NID1: variants seen among roughly 807,000 people sequenced by gnomAD.
NID1 encodes the protein nidogen 1.
A neutral mutation model predicts 130.6 loss-of-function variants in NID1; 76 were observed. That is an observed-to-expected ratio of 0.58 (90% CI 0.48 to 0.70). The LOEUF (loss-of-function observed/expected upper bound fraction) is 0.70, where lower values mean the gene tolerates loss of function less well. NID1 is among the 30% of genes least tolerant of loss of function. The pLI is 0.00. For synonymous variants in NID1, 665 were observed against 675.1 expected (o/e 0.98, Z 0.23); for missense variants, 1,517 against 1,664.8 (o/e 0.91, Z 1.54).
rs984271753 is a variant in NID1 at position 236,038,976 on chromosome 1, T to C, written c.1136-723A>G. On this transcript the variant is annotated intron_variant, in intron 4 of 19. Coordinates refer to ENST00000264187, the MANE Select transcript of NID1 (RefSeq NM_002508.3). Reference sequence around the variant, plus strand: ...TAACATATATGTGTAACTATATATGTAAATATGTACATATACATATATGTA... The same window carrying C: ...TAACATATATGTGTAACTATATATGCAAATATGTACATATACATATATGTA... 4.3e-5 allele frequency among the ~76,000 whole-genome samples: 6 copies of C among 140,874 alleles called. No homozygotes were observed. The East Asian group carries it at 1.2e-3, about 28-fold the overall frequency. The allele number at this position is 140,874 out of a possible 152,430, so 92.4% of individuals were successfully genotyped here.
intron 2 of NID1, 65 bp from the exon 3 acceptor site, chr1:236,045,748 C>G: frequency 7.9e-7 from 1 of 1,261,644 alleles, no homozygotes; most frequent in East Asian, 2.5e-5. Context: ...ATGTGTTATT[C>G]GCCAGACTAT....
intron 3 of NID1, among the ~76,000 whole-genome samples, chr1:236,044,843 G>C (rs1175911402): frequency 3.8e-5 from 4 of 104,426 alleles, no homozygotes; most frequent in Non-Finnish European, 5.6e-5. Flanking sequence ...TCAGCCTTGA[G>C]ATCAAAGGAG....
chr1:236,018,490 G>A (rs371902431), intron 9 of NID1, among the ~76,000 whole-genome samples: 4 of 152,232 alleles, frequency 2.6e-5, no homozygotes, highest in African/African-American at 9.6e-5. Flanking sequence ...CCAGGCTTTG[G>A]GGGCCAGGCT....
chr1:235,994,700 CTTTT>C (rs11397466), intron 12 of NID1, among the ~76,000 whole-genome samples: 3 of 142,130 alleles, frequency 2.1e-5, no homozygotes, highest in African/African-American at 7.9e-5. Context: ...TCTTCTTCTT[CTTTT>C]TTTTTTTTTT....
At chr1:236,041,625 C>T (rs1442126045) in intron 4 of NID1, among the ~76,000 whole-genome samples, 1 of 152,172 alleles carries the variant, frequency 6.6e-6, no homozygotes, top group Non-Finnish European at 1.5e-5. Flanking sequence ...CGGACGTTTT[C>T]TCTTTAAAAC....
intron 2 of NID1, among the ~76,000 whole-genome samples, chr1:236,047,615 C>G (rs1258181504): frequency 1.3e-5 from 2 of 152,116 alleles, no homozygotes; most frequent in East Asian, 3.8e-4. Context: ...CTCACATGGT[C>G]CAAATGATTC....
At chr1:236,030,355 T>C (rs1213822322) in intron 6 of NID1, among the ~76,000 whole-genome samples, 3 of 152,200 alleles carry the variant, frequency 2.0e-5, no homozygotes, top group Admixed American at 6.5e-5. Context: ...CACAATGACC[T>C]GCCCCGTGAC....
intron 9 of NID1, among the ~76,000 whole-genome samples, chr1:236,020,070 T>C (rs1266903160): frequency 6.7e-6 from 1 of 149,516 alleles, no homozygotes; most frequent in African/African-American, 2.5e-5. Flanking sequence ...AAAAACAAAC[T>C]TCTTTTCTAT....
rs202192927 is a variant in NID1, at chr1:236,048,889, G to A, written c.326C>T (p.Ala109Val). The change falls in exon 2 of 20, where the codon GCG (alanine) becomes GTG (valine). Residue 109 changes from alanine (A) to valine (V), a missense_variant. Ala to Val is a moderately conservative substitution (Grantham distance 64). Transcript: ENST00000264187. Reference sequence around the variant, plus strand: ...CAGGCCATCGGTCGTGTCCAAGTCCGCCAGGAAAGGGGCGACTGCACCGAA... The same window carrying A: ...CAGGCCATCGGTCGTGTCCAAGTCCACCAGGAAAGGGGCGACTGCACCGAA... ...PTFGAVAPFL[A>V]DLDTTDGLGK... The A allele has an allele frequency of 2.2e-5, 35 of 1,613,780 alleles. No homozygotes were observed. Among genetic ancestry groups the A allele is most frequent in the Admixed American group, 6.7e-5 (4 of 59,912 alleles).
rs1376248943 is a variant in NID1 at position 236,017,192 on chromosome 1, T to A, written c.2210A>T (p.Glu737Val). Reference sequence around the variant, plus strand: ...TGAAAACTGGTAGCCCTCCACACACTCGCAGCGGAAGGTTCCTGGGTGATT... The same window carrying A: ...TGAAAACTGGTAGCCCTCCACACACACGCAGCGGAAGGTTCCTGGGTGATT... ...CNNHPGTFRCECVEGYQFSDE... is the reference protein window; with the variant it reads ...CNNHPGTFRCVCVEGYQFSDE... Residue 737 changes from glutamate (E) to valine (V), a missense_variant, in exon 10 of 20, where the codon GAG becomes GTG. Around this residue, in one of 3 missense-constraint regions of NID1, gnomAD observed 1,329 missense variants for 1,429.2 expected, o/e 0.93. Coordinates refer to ENST00000264187, the MANE Select transcript of NID1 (RefSeq NM_002508.3). 6.2e-7 allele frequency: 1 copy of A among 1,614,106 alleles called. No individual in the cohort carries two copies. The highest frequency in any genetic ancestry group is 1.7e-5 in the Admixed American group (1 of 60,018).
intron 4 of NID1, among the ~76,000 whole-genome samples, chr1:236,039,008 T>TGTA (rs1659359398): frequency 9.0e-6 from 1 of 111,368 alleles, no homozygotes; most frequent in East Asian, 2.7e-4. Flanking sequence ...TGTAAATATA[T>TGTA]AATATATATT....
rs576234443 is a variant in NID1 at position 236,027,327 on chromosome 1, A to G, written c.1739-1186T>C. Reference sequence around the variant, plus strand: ...GCTCCATAATAGAAGCATAAAAGCCAGAGGATAAATAAAAGATCAGTGTAA... The same window carrying G: ...GCTCCATAATAGAAGCATAAAAGCCGGAGGATAAATAAAAGATCAGTGTAA... On this transcript the variant is annotated intron_variant, in intron 7 of 19. Coordinates refer to ENST00000264187, the MANE Select transcript of NID1 (RefSeq NM_002508.3). Among the ~76,000 whole-genome samples the G allele has an allele frequency of 5.9e-5, 9 of 152,286 alleles. No individual in the cohort carries two copies. In the South Asian group the frequency reaches 1.9e-3, roughly 32 times the overall value.
intron 12 of NID1, among the ~76,000 whole-genome samples, chr1:236,010,020 A>C (rs1658363477): frequency 6.6e-6 from 1 of 152,222 alleles, no homozygotes; most frequent in Non-Finnish European, 1.5e-5. Flanking sequence ...GTCAGGTTAA[A>C]AAAACAAAAA....
intron 1 of NID1, among the ~76,000 whole-genome samples, chr1:236,051,316 C>T (rs553932813): frequency 2.8e-4 from 41 of 145,518 alleles, no homozygotes; most frequent in African/African-American, 1.0e-3. Flanking sequence ...CCCTCAGTCA[C>T]TTCACACTTC....
Position 236,029,728 on chromosome 1 carries a change from A to G in NID1, c.1560T>C (p.Ala520=). 2.5e-6 allele frequency: 4 copies of G among 1,614,140 alleles called. No individual in the cohort carries two copies. The highest frequency in any genetic ancestry group is 3.4e-6 in the Non-Finnish European group (4 of 1,180,026). The stretch of plus-strand genomic sequence containing the variant: ...CCGGGTGCCCCACGAAGGTCACCTC[A>G]GCCTGGCGAGTGAACTCACCCCCTG... ...SITGGEFTRQ[A]EVTFVGHPGN... Residue 520 remains alanine (A), a synonymous_variant, in exon 7 of 20, where the codon GCT becomes GCC. Coordinates refer to ENST00000264187, the MANE Select transcript of NID1 (RefSeq NM_002508.3).
intron 15 of NID1, 49 bp downstream of exon 15, chr1:235,985,330 G>A: frequency 6.2e-7 from 1 of 1,610,066 alleles, no homozygotes; most frequent in Non-Finnish European, 8.5e-7. Context: ...TGGCCACTTT[G>A]GCTGCTAGAA....
intron 17 of NID1, 57 bp from the exon 18 acceptor site, chr1:235,980,002 C>CAA (rs3831989): frequency 3.5e-4 from 546 of 1,571,816 alleles, no homozygotes; most frequent in East Asian, 9.4e-4. Flanking sequence ...CCCCTTTGTG[C>CAA]AAAAAAAACA....
At chr1:236,006,334 T>A (rs1658248299) in intron 12 of NID1, among the ~76,000 whole-genome samples, 1 of 152,070 alleles carries the variant, frequency 6.6e-6, no homozygotes, top group Admixed American at 6.6e-5. Context: ...GCTCCTAACA[T>A]CACAAAAAGT....
chr1:236,035,533 G>C (rs1210574955), intron 5 of NID1, among the ~76,000 whole-genome samples: 2 of 147,258 alleles, frequency 1.4e-5, no homozygotes, highest in Non-Finnish European at 3.0e-5. Context: ...TGGGTCAAAT[G>C]GTATTTCTAG....
Sources: gnomAD v4.1 joint callset for allele counts (sites outside exome capture counted in the v4.1 genomes callset) on GRCh38, gnomAD v4.1.1 for gene constraint, gnomAD v4.1.1 regional missense constraint, MANE v1.5 for transcripts, NCBI Gene and HGNC (gene_info 2026-07-23, HGNC 2026-07-21) for gene names.